PMEL: variants seen among roughly 807,000 people sequenced by gnomAD.
PMEL encodes premelanosome protein, also known as melanocyte protein PMEL.
Under a neutral mutation model 64.9 loss-of-function variants are expected in PMEL, and 53 were observed. The observed-to-expected ratio is 0.82, with a 90% CI of 0.66 to 1.03. PMEL has a LOEUF of 1.03. PMEL is among the 50% of genes least tolerant of loss of function. The pLI is 0.00. For synonymous variants in PMEL, 299 were observed against 316.2 expected, an observed-to-expected ratio of 0.95 and a Z score of 0.58; for missense variants, 716 against 814.9, an observed-to-expected ratio of 0.88 and a Z score of 1.48.
rs1199811146 is a variant in PMEL at position 55,957,145 on chromosome 12, AC to A, written c.1157del (p.Gly386ValfsTer15). On this transcript the variant is annotated frameshift_variant, in exon 6 of 11. Transcript: ENST00000548747. LOFTEE classifies it high-confidence loss of function. ...PEKVPVSEVM[G>X]TTLAEMSTPE... The stretch of plus-strand genomic sequence containing the variant: ...GAGTTGACATCTCTGCCAGTGTGGT[AC>A]CCATGACCTCTGAAACTGGCACCTT... 2.5e-6 allele frequency: 4 copies of A among 1,614,006 alleles called. No homozygotes were observed. The highest frequency in any genetic ancestry group is 3.4e-6 in the Non-Finnish European group (4 of 1,180,018).
intron 1 of PMEL, among the ~76,000 whole-genome samples, chr12:55,962,399 T>C (rs1889133998): frequency 8.0e-6 from 1 of 125,684 alleles, no homozygotes; most frequent in Non-Finnish European, 1.6e-5. Flanking sequence ...GCTGAGATTC[T>C]GAGATTGCAC....
At chr12:55,966,165 G>A (rs1889293356), upstream of PMEL, 7 of 1,171,570 alleles carry the variant, frequency 6.0e-6, no homozygotes, top group East Asian at 1.7e-4. Flanking sequence ...CTGACAAAGG[G>A]ATCCTGGTCC....
At chr12:55,958,333 A>C (rs1462181611) in intron 4 of PMEL, 140 bp downstream of exon 4, 1 of 936,412 alleles carries the variant, frequency 1.1e-6, no homozygotes, top group African/African-American at 1.6e-5. Context: ...GGTGCTAAGA[A>C]AGAGAAAAGA....
At position 55,956,387 on chromosome 12, in the gene PMEL, A is replaced by T. The variant is rs1888887061; in HGVS notation, c.1355-168T>A. ...CCTTATTCTATAGATAAGGAAACTG[A>T]GGCCCAGAAGAAGAAAATGACTCCT... On this transcript the variant is annotated intron_variant, in intron 6 of 10. Coordinates refer to ENST00000548747, the MANE Select transcript of PMEL (RefSeq NM_001384361.1). 8 of 564,916 alleles carry T rather than the reference A, an allele frequency of 1.4e-5. No homozygotes were observed. The East Asian group carries it at 2.2e-4, about 16-fold the overall frequency. 35.0% of individuals were successfully genotyped at this position (564,916 alleles called of 1,614,324 possible). A position where few individuals can be genotyped will look rare whatever the true frequency, so the allele number is the denominator to read the frequency against.
chr12:55,955,703 GGGAAGGGACA>G (rs761422844), intron 8 of PMEL, 34 bp from the exon 9 acceptor site: 10 of 1,610,396 alleles, frequency 6.2e-6, no homozygotes, highest in Non-Finnish European at 8.5e-6. Flanking sequence ...AAGGGGATCT[GGGAAGGGACA>G]CTAAATGCCA....
At chr12:55,958,798 T>C (rs1420419972) in intron 3 of PMEL, 191 bp from the exon 4 acceptor site, 1 of 572,104 alleles carries the variant, frequency 1.7e-6, no homozygotes, top group African/African-American at 1.9e-5. Flanking sequence ...ATTTTTTTTT[T>C]AGAGACAGGG....
intron 8 of PMEL, 52 bp from the exon 9 acceptor site, chr12:55,955,721 C>T: frequency 6.2e-7 from 1 of 1,608,434 alleles, no homozygotes; most frequent in Admixed American, 1.7e-5. Flanking sequence ...ACACTAAATG[C>T]CAGAGAGCGG....
At chr12:55,965,829 A>AG in intron 1 of PMEL, 107 bp downstream of exon 1, 4 of 1,344,774 alleles carry the variant, frequency 3.0e-6, no homozygotes, top group Non-Finnish European at 4.2e-6. Context: ...AATGAGTGGG[A>AG]GACGCCTGAA....
chr12:55,956,221 T>C lies in PMEL; in HGVS notation c.1355-2A>G, dbSNP rs1888881295. 6.3e-7 allele frequency: 1 copy of C among 1,598,816 alleles called. No individual in the cohort carries two copies. The highest frequency in any genetic ancestry group is 1.3e-5 in the African/African-American group (1 of 74,628). Reference sequence around the variant, plus strand: ...CATCCAGCAGGGGGCCCAGGGAACCTGGCAGGAGAGGATCAAGGAGGCAAG... The same window carrying C: ...CATCCAGCAGGGGGCCCAGGGAACCCGGCAGGAGAGGATCAAGGAGGCAAG... On this transcript the variant is annotated splice_acceptor_variant, in intron 6 of 10. Transcript: ENST00000548747. LOFTEE classifies it high-confidence loss of function.
At chr12:55,963,156 C>CAA (rs1198724408) in intron 1 of PMEL, among the ~76,000 whole-genome samples, 7 of 121,092 alleles carry the variant, frequency 5.8e-5, no homozygotes, top group Non-Finnish European at 8.9e-5. Flanking sequence ...GACTCCGTCT[C>CAA]AAAAAAAAAA....
At chr12:55,956,382 A>C in intron 6 of PMEL, 163 bp from the exon 7 acceptor site, 1 of 572,100 alleles carries the variant, frequency 1.7e-6, no homozygotes, top group Non-Finnish European at 3.1e-6. Context: ...TAGATAAGGA[A>C]ACTGAGGCCC....
At chr12:55,966,175 C>T, upstream of PMEL, 1 of 1,064,444 alleles carries the variant, frequency 9.4e-7, no homozygotes, top group Non-Finnish European at 1.3e-6. Context: ...GATCCTGGTC[C>T]CTAGACATTG....
rs1049872357 is a variant in PMEL, at chr12:55,961,243, A to G, written c.334+74T>C. 3.0e-6 allele frequency: 4 copies of G among 1,348,896 alleles called. No individual in the cohort carries two copies. The African/African-American group carries it at 5.8e-5, about 20-fold the overall frequency. The allele number at this position is 1,348,896 out of a possible 1,614,324, so 83.6% of individuals were successfully genotyped here. A position where few individuals can be genotyped will look rare whatever the true frequency, so the allele number is the denominator to read the frequency against. On this transcript the variant is annotated intron_variant, in intron 3 of 10. Coordinates refer to ENST00000548747, the MANE Select transcript of PMEL (RefSeq NM_001384361.1). ...AAAAAAAAGTAGAGAAGGAAGGGGC[A>G]TTCCCTGAGCTCACTGGGCATACCA...
In PMEL at chr12:55,961,650, T is replaced by C; in HGVS notation, c.159A>G (p.Thr53=). ...TCCAGCAGTCAAGTCTCTGGGCTTC[T>C]GTCCACTCTGGATACAGCTGCCTGT... ...AWNRQLYPEW[T]EAQRLDCWRG... The change falls in exon 2 of 11, where the codon ACA becomes ACG. Residue 53 remains threonine, a synonymous_variant. Transcript: ENST00000548747. 6.2e-7 allele frequency: 1 copy of C among 1,614,036 alleles called. No homozygotes were observed. Among genetic ancestry groups the C allele is most frequent in the African/African-American group, 1.3e-5 (1 of 75,032 alleles).
At position 55,961,751 on chromosome 12, in the gene PMEL, G is replaced by A. The variant is rs1490851796; in HGVS notation, c.77-19C>T. The stretch of plus-strand genomic sequence containing the variant: ...CTGGGTACTAAAAGGAATGTGCCAT[G>A]AAGGGCCCTAGGATCCTTTCAGTTC... On this transcript the variant is annotated intron_variant, in intron 1 of 10. Transcript: ENST00000548747. The A allele has an allele frequency of 6.5e-7, 1 of 1,534,034 alleles. No homozygotes were observed. The highest frequency in any genetic ancestry group is 2.2e-5 in the East Asian group (1 of 44,472).
At position 55,958,541 on chromosome 12, in the gene PMEL, T is replaced by C. The variant is rs775732412; in HGVS notation, c.401A>G (p.Asp134Gly). 2 of 1,614,128 alleles carry C rather than the reference T, an allele frequency of 1.2e-6. No homozygotes were observed. The highest frequency in any genetic ancestry group is 1.7e-5 in the Admixed American group (1 of 60,008). ...AGAGCCAGATGGGCAAGGTCCACCA[T>C]CAGGGAAGATGCAGGCATCGTCAGT... Reference protein sequence around the residue: ...QETDDACIFPDGGPCPSGSWS... With the variant: ...QETDDACIFPGGGPCPSGSWS... The change falls in exon 4 of 11, where the codon GAT (aspartate) becomes GGT (glycine). Residue 134 changes from aspartate to glycine, a missense_variant. Physicochemically the swap from Asp to Gly is moderately conservative, Grantham distance 94 (BLOSUM62 -1). Coordinates refer to ENST00000548747, the MANE Select transcript of PMEL (RefSeq NM_001384361.1).
Position 55,958,017 on chromosome 12 carries a change from C to T in PMEL, c.537G>A (p.Leu179=), listed in dbSNP as rs1209899725. The T allele has an allele frequency of 6.2e-7, 1 of 1,614,168 alleles. No individual in the cohort carries two copies. The highest frequency in any genetic ancestry group is 8.5e-7 in the Non-Finnish European group (1 of 1,180,038). ...CAGTCACTTCCATGGTGTGTGTGCC[C>T]AGCATTGCCCTGCCTGTCCCAATGC... ...GLSIGTGRAM[L]GTHTMEVTVY... The change falls in exon 5 of 11, where the codon CTG becomes CTA. Residue 179 remains leucine (L), a synonymous_variant. Coordinates refer to ENST00000548747, the MANE Select transcript of PMEL (RefSeq NM_001384361.1).
At chr12:55,958,436 C>A in intron 4 of PMEL, 37 bp downstream of exon 4, 1 of 1,601,654 alleles carries the variant, frequency 6.2e-7, no homozygotes, top group Non-Finnish European at 8.5e-7. Context: ...GAAGTAAACA[C>A]AAGTGTGGAT....
intron 5 of PMEL, 32 bp downstream of exon 5, chr12:55,957,891 A>T (rs764662455): frequency 3.7e-6 from 6 of 1,611,290 alleles, no homozygotes; most frequent in Non-Finnish European, 5.1e-6. Context: ...CTCTTGCCCT[A>T]CAACTGGCCT....
Sources: gnomAD v4.1 joint callset for allele counts (sites outside exome capture counted in the v4.1 genomes callset) on GRCh38, gnomAD v4.1.1 for gene constraint, MANE v1.5 for transcripts, NCBI Gene and HGNC (gene_info 2026-07-23, HGNC 2026-07-21) for gene names.